CACNB2: variants seen among roughly 807,000 people sequenced by gnomAD.
CACNB2 encodes voltage-dependent L-type calcium channel subunit beta-2.
Under a neutral mutation model 73.3 loss-of-function variants are expected in CACNB2, and 42 were observed. The ratio of observed to expected loss-of-function variants is 0.57; its 90% CI spans 0.45 to 0.74. The LOEUF is 0.74. CACNB2 is among the 30% of genes least tolerant of loss of function. The probability of loss-of-function intolerance (pLI) is 0.00; values close to 1 mark genes in which losing one functional copy is unlikely to be tolerated. For missense variants in CACNB2, 940 were observed against 853.0 expected (o/e 1.10, Z -1.27); for synonymous variants, 348 against 310.3 (o/e 1.12, Z -1.28).
At chr10:18,420,815 T>C (rs1361403377) in intron 3 of CACNB2, among the ~76,000 whole-genome samples, 1 of 152,194 alleles carries the variant, frequency 6.6e-6, no homozygotes, top group African/African-American at 2.4e-5. Flanking sequence ...AACATTCGAG[T>C]TGGACCATTA....
chr10:18,405,951 A>AAAACAAAC (rs74599200), intron 3 of CACNB2, among the ~76,000 whole-genome samples: 1,515 of 151,260 alleles, frequency 0.01, 21 homozygotes, highest in African/African-American at 0.034. Context: ...GACTCTGTCA[A>AAAACAAAC]AAACAAACAA....
At chr10:18,381,805 A>G (rs1242259522) in intron 2 of CACNB2, among the ~76,000 whole-genome samples, 1 of 151,964 alleles carries the variant, frequency 6.6e-6, no homozygotes, top group East Asian at 1.9e-4. Context: ...ATCATGCTGT[A>G]CCCACAGAAA....
intron 3 of CACNB2, among the ~76,000 whole-genome samples, chr10:18,490,535 C>A (rs1218666432): frequency 6.6e-6 from 1 of 152,172 alleles, no homozygotes; most frequent in Admixed American, 6.6e-5. Flanking sequence ...CAGGTAGAAT[C>A]TGCAAAAGCA....
At chr10:18,516,412 C>A (rs949090385) in intron 7 of CACNB2, among the ~76,000 whole-genome samples, 1 of 152,052 alleles carries the variant, frequency 6.6e-6, no homozygotes, top group Non-Finnish European at 1.5e-5. Context: ...AGTTACAGAT[C>A]GAAGGAACCA....
chr10:18,152,733 C>CAAAAA (rs1461809120), intron 2 of CACNB2, among the ~76,000 whole-genome samples: 6 of 89,380 alleles, frequency 6.7e-5, no homozygotes, highest in African/African-American at 1.6e-4. Flanking sequence ...AAAAAAAAAA[C>CAAAAA]AAAAAACAAA....
At chr10:18,448,508 AAAAG>A (rs1260485757) in intron 3 of CACNB2, among the ~76,000 whole-genome samples, 6 of 151,132 alleles carry the variant, frequency 4.0e-5, no homozygotes, top group African/African-American at 7.3e-5. Flanking sequence ...AAAAGAAAAG[AAAAG>A]AAAGAAAGGA....
At chr10:18,148,762 G>A (rs188260220) in intron 1 of CACNB2, among the ~76,000 whole-genome samples, 71 of 152,136 alleles carry the variant, frequency 4.7e-4, no homozygotes, top group South Asian at 1.5e-3. Context: ...TGGGAGGCTG[G>A]GGCGGGAGAA....
At chr10:18,442,969 T>TAC (rs1491385205) in intron 3 of CACNB2, among the ~76,000 whole-genome samples, 9 of 19,028 alleles carry the variant, frequency 4.7e-4, no homozygotes, top group African/African-American at 1.6e-3. Context: ...TATATATATA[T>TAC]GTGTATATAT....
intron 3 of CACNB2, among the ~76,000 whole-genome samples, chr10:18,441,527 A>G (rs1259994928): frequency 6.6e-6 from 1 of 152,140 alleles, no homozygotes; most frequent in Non-Finnish European, 1.5e-5. Context: ...TTACTACAAA[A>G]TTTCCTTTTT....
intron 3 of CACNB2, among the ~76,000 whole-genome samples, chr10:18,459,221 C>A (rs1215907517): frequency 6.6e-6 from 1 of 152,172 alleles, no homozygotes; most frequent in East Asian, 1.9e-4. Context: ...CAGCTATAGC[C>A]AAGAACATTA....
At chr10:18,272,726 C>T (rs1406103985) in intron 2 of CACNB2, among the ~76,000 whole-genome samples, 2 of 152,202 alleles carry the variant, frequency 1.3e-5, no homozygotes, top group African/African-American at 4.8e-5. Flanking sequence ...GTAAGATGTC[C>T]CTTTGCTCTT....
intron 1 of CACNB2, 28 bp from the exon 2 acceptor site, chr10:18,150,855 C>CT (rs71402148): frequency 0.024 from 11,617 of 483,214 alleles, 89 homozygotes; most frequent in South Asian, 0.035. Flanking sequence ...TCTTATTTGT[C>CT]TTTTTTTTTT....
intron 2 of CACNB2, among the ~76,000 whole-genome samples, chr10:18,240,915 T>C (rs1482618201): frequency 6.6e-6 from 1 of 152,176 alleles, no homozygotes; most frequent in East Asian, 1.9e-4. Flanking sequence ...CTCAGAGTAA[T>C]CTTTTCCCAG....
intron 4 of CACNB2, among the ~76,000 whole-genome samples, chr10:18,500,535 C>G (rs1394151504): frequency 6.6e-6 from 1 of 152,132 alleles, no homozygotes; most frequent in Non-Finnish European, 1.5e-5. Context: ...GAGAGCTTAT[C>G]CCTACTCATG....
At chr10:18,539,078 C>A in intron 13 of CACNB2, 152 bp from the exon 14 acceptor site, 1 of 930,904 alleles carries the variant, frequency 1.1e-6, no homozygotes, top group South Asian at 1.3e-5. Context: ...TTATAAATGC[C>A]ACTGGATGTT....
rs1362502929 is a variant in CACNB2 at position 18,539,596 on chromosome 10, A to C, written c.1855A>C (p.Asn619His). ...GGACGTGGATCGAGAGCAGGACCAC[A>C]ACGAGTGCAACAAGCAGCGCAGCCG... is the stretch of plus-strand genomic sequence containing the variant. The part of the protein sequence containing the change: ...SRDVDREQDH[N>H]ECNKQRSRHK... The change falls in exon 14 of 14, where the codon AAC becomes CAC. Residue 619 changes from asparagine to histidine, a missense_variant. Physicochemically the swap from Asn to His is moderately conservative, Grantham distance 68 (BLOSUM62 1). Coordinates refer to ENST00000324631, the MANE Select transcript of CACNB2 (RefSeq NM_201596.3). 3 of 1,613,882 alleles carry C rather than the reference A, an allele frequency of 1.9e-6. No individual in the cohort carries two copies. In the South Asian group the frequency reaches 3.3e-5, roughly 18 times the overall value.
At chr10:18,430,079 ATCT>A (rs1009234110) in intron 3 of CACNB2, among the ~76,000 whole-genome samples, 155 of 152,242 alleles carry the variant, frequency 1.0e-3, no homozygotes, top group African/African-American at 3.6e-3. Context: ...TTTTGGTATA[ATCT>A]TCTATTTATT....
chr10:18,260,846 G>A (rs1289617443), intron 2 of CACNB2: 2 of 1,074,344 alleles, frequency 1.9e-6, no homozygotes, highest in Admixed American at 9.4e-5. Context: ...AGTACTGCAG[G>A]GTCGCGAAAT....
chr10:18,184,286 A>T (rs1169444403), intron 2 of CACNB2, among the ~76,000 whole-genome samples: 1 of 152,226 alleles, frequency 6.6e-6, no homozygotes, highest in African/African-American at 2.4e-5. Flanking sequence ...CATCATGGTT[A>T]TAGGAAGTAT....
Sources: allele counts gnomAD v4.1 joint callset (sites outside exome capture counted in the v4.1 genomes callset), GRCh38; gene constraint gnomAD v4.1.1; transcripts MANE v1.5; gene names NCBI Gene and HGNC (gene_info 2026-07-23, HGNC 2026-07-21).